NEK10: variants seen among roughly 807,000 people sequenced by gnomAD.
The protein encoded by NEK10 is serine/threonine-protein kinase Nek10.
NEK10 carries 122 observed loss-of-function variants against 159.8 expected under a neutral mutation model. That is an observed-to-expected ratio of 0.76 (90% CI 0.66 to 0.89). NEK10 has a LOEUF of 0.89. NEK10 is among the 40% of genes least tolerant of loss of function. The pLI is 0.00. For synonymous variants in NEK10, 466 were observed against 457.1 expected, an observed-to-expected ratio of 1.02 and a Z score of -0.25; for missense variants, 1,342 against 1,323.1, an observed-to-expected ratio of 1.01 and a Z score of -0.22.
intron 1 of NEK10, among the ~76,000 whole-genome samples, chr3:27,368,267 G>C (rs2049245302): frequency 6.6e-6 from 1 of 151,942 alleles, no homozygotes; most frequent in Non-Finnish European, 1.5e-5. Context: ...ACTCCAGCCT[G>C]GCAGCACAGC....
At chr3:27,164,263 G>C (rs1258383896) in intron 29 of NEK10, among the ~76,000 whole-genome samples, 2 of 152,294 alleles carry the variant, frequency 1.3e-5, no homozygotes, top group African/African-American at 2.4e-5. Flanking sequence ...GTGTAGGCAG[G>C]ACAGCCCCAG....
At chr3:27,271,264 A>C (rs2041335800) in intron 22 of NEK10, among the ~76,000 whole-genome samples, 1 of 152,056 alleles carries the variant, frequency 6.6e-6, no homozygotes, top group Non-Finnish European at 1.5e-5. Context: ...TAGAAGACTA[A>C]ATCGTATAAG....
intron 32 of NEK10, among the ~76,000 whole-genome samples, chr3:27,123,009 CACTG>C (rs2125460601): frequency 6.6e-6 from 1 of 152,262 alleles, no homozygotes; most frequent in South Asian, 2.1e-4. Context: ...ATCCCAGATA[CACTG>C]ACTTTCATTC....
At chr3:27,255,388 A>G (rs181426924) in intron 23 of NEK10, 1 of 266,688 alleles carries the variant, frequency 3.7e-6, no homozygotes, top group East Asian at 1.0e-4. Context: ...ACACTTCTGC[A>G]TGAAAGGACT....
At position 27,304,851 on chromosome 3, in the gene NEK10, G is replaced by A. The variant is rs201861093; in HGVS notation, c.924C>T (p.Leu308=). The change falls in exon 12 of 36, where the codon CTC becomes CTT. Residue 308 remains leucine, a synonymous_variant. Coordinates refer to ENST00000691995, the MANE Select transcript of NEK10 (RefSeq NM_001394966.1). The part of the protein sequence containing the change: ...SLLHSDHLKL[L]WSIVWILVQV... ...GTACCAGAATCCAGACAATGCTCCA[G>A]AGGAGCTTCAAGTGGTCAGAGTGGA... 1.2e-5 allele frequency: 20 copies of A among 1,613,490 alleles called. No homozygotes were observed. The highest frequency in any genetic ancestry group is 1.7e-5 in the Non-Finnish European group (20 of 1,179,448).
At position 27,269,316 on chromosome 3, in the gene NEK10, AT is replaced by A. The variant is rs201625283; in HGVS notation, c.2015-12946del. ...TGTGGGTAAAATGCTATCAAACAGC[AT>A]TTCATGCTACAGACATTTATTTTGT... On this transcript the variant is annotated intron_variant, in intron 22 of 35. Coordinates refer to ENST00000691995, the MANE Select transcript of NEK10 (RefSeq NM_001394966.1). Among the ~76,000 whole-genome samples the A allele has an allele frequency of 4.4e-3, 674 of 152,358 alleles. 2 individuals are homozygous for A. Among genetic ancestry groups the A allele is most frequent in the African/African-American group, 0.015 (620 of 41,588 alleles).
Position 27,283,183 on chromosome 3 carries a change from C to T in NEK10, c.2014+1419G>A, listed in dbSNP as rs572639092. ...AGCAAATGTGTACATTTGGAATTGC[C>T]TTCATGGGTACTGAAATTCTAAAAC... On this transcript the variant is annotated intron_variant, in intron 22 of 35. Transcript: ENST00000691995. Among the ~76,000 whole-genome samples, 11 of 152,046 alleles carry T rather than the reference C, an allele frequency of 7.2e-5. No homozygotes were observed. The East Asian group carries it at 2.1e-3, about 29-fold the overall frequency.
rs146489301 is a variant in NEK10 at position 27,193,076 on chromosome 3, C to G, written c.2292-834G>C. Among the ~76,000 whole-genome samples, 15 of 152,260 alleles carry G rather than the reference C, an allele frequency of 9.9e-5. 1 individual carries two copies. The highest frequency in any genetic ancestry group is 1.2e-4 in the Non-Finnish European group (8 of 68,030). On this transcript the variant is annotated intron_variant, in intron 25 of 35. Transcript: ENST00000691995. ...TCATTAAACTGGTATGGTGTTTGAA[C>G]GAGGTAATCTCTGTGAAGTGCACAT...
intron 30 of NEK10, among the ~76,000 whole-genome samples, chr3:27,156,996 G>A (rs1185544622): frequency 3.5e-5 from 4 of 114,850 alleles, no homozygotes; most frequent in African/African-American, 1.3e-4. Flanking sequence ...ATACTACTCA[G>A]CCATAAAAAA....
chr3:27,215,332 T>A (rs558858829), intron 23 of NEK10, among the ~76,000 whole-genome samples: 1 of 152,314 alleles, frequency 6.6e-6, no homozygotes, highest in Non-Finnish European at 1.5e-5. Flanking sequence ...ATGGAGAGAA[T>A]AAACTATTTT....
rs1320646526 is a variant in NEK10, at chr3:27,284,614, T to C, written c.2002A>G (p.Lys668Glu). ...TCTTTATACTTACTAACGGTTACTTTGTCCTTATCCCCCAACATAATGTTG... is the reference window on the plus strand; with the variant it reads ...TCTTTATACTTACTAACGGTTACTTCGTCCTTATCCCCCAACATAATGTTG... ...PNNIMLGDKD[K>E]VTVTDFGLAK... The change falls in exon 22 of 36, where the codon AAA (lysine) becomes GAA (glutamate). Residue 668 changes from lysine (K) to glutamate (E), a missense_variant. Coordinates refer to ENST00000691995, the MANE Select transcript of NEK10 (RefSeq NM_001394966.1). 2 of 1,570,476 alleles carry C rather than the reference T, an allele frequency of 1.3e-6. No homozygotes were observed. Among genetic ancestry groups the C allele is most frequent in the Non-Finnish European group, 1.8e-6 (2 of 1,140,484 alleles).
At chr3:27,344,766 C>T (rs773554733) in intron 4 of NEK10, among the ~76,000 whole-genome samples, 2 of 152,180 alleles carry the variant, frequency 1.3e-5, no homozygotes, top group Non-Finnish European at 2.9e-5. Context: ...AGAATTCCCT[C>T]TCCACTTTTC....
intron 3 of NEK10, among the ~76,000 whole-genome samples, chr3:27,347,305 G>A (rs141272406): frequency 8.6e-5 from 13 of 151,732 alleles, no homozygotes; most frequent in Admixed American, 3.3e-4. Context: ...ACCTGAGTTC[G>A]GGAGCCTGAC....
rs1939018897 is a variant in NEK10, at chr3:27,106,677, T to A, written c.*4595A>T. On this transcript the variant is annotated 3_prime_UTR_variant, in exon 36 of 36. Transcript: ENST00000691995. ...GCAGTTGTTCCTCTTGGTTTGTTAT[T>A]TCTGGCACAAACTTCTCTCTGCATG... Among the ~76,000 whole-genome samples, 1 of 152,186 alleles carries A rather than the reference T, an allele frequency of 6.6e-6. No individual in the cohort carries two copies. The highest frequency in any genetic ancestry group is 2.1e-4 in the South Asian group (1 of 4,824).
At chr3:27,272,452 C>T (rs1042532647) in intron 22 of NEK10, among the ~76,000 whole-genome samples, 3 of 152,180 alleles carry the variant, frequency 2.0e-5, no homozygotes, top group Non-Finnish European at 4.4e-5. Context: ...TTAAATGTGC[C>T]AGGAGCTTAG....
chr3:27,272,088 T>C (rs1388692981), intron 22 of NEK10, among the ~76,000 whole-genome samples: 2 of 152,138 alleles, frequency 1.3e-5, no homozygotes, highest in African/African-American at 2.4e-5. Context: ...TGACAATAGG[T>C]GAAAAGCAGT....
intron 6 of NEK10, among the ~76,000 whole-genome samples, chr3:27,315,909 G>A (rs1345928682): frequency 6.6e-6 from 1 of 152,202 alleles, no homozygotes; most frequent in Non-Finnish European, 1.5e-5. Flanking sequence ...GATTTGCCAA[G>A]TAAAGATCGG....
chr3:27,267,550 A>G (rs577856700), intron 22 of NEK10, among the ~76,000 whole-genome samples: 104 of 152,250 alleles, frequency 6.8e-4, no homozygotes, highest in African/African-American at 2.5e-3. Flanking sequence ...TGTTATGGTT[A>G]TCTGTGATTA....
At chr3:27,261,385 C>G (rs935501462) in intron 22 of NEK10, among the ~76,000 whole-genome samples, 2 of 152,200 alleles carry the variant, frequency 1.3e-5, no homozygotes, top group African/African-American at 2.4e-5. Flanking sequence ...CCTCTACACA[C>G]TGCTTTGAAT....
Sources: gnomAD v4.1 joint callset for allele counts (sites outside exome capture counted in the v4.1 genomes callset) on GRCh38, gnomAD v4.1.1 for gene constraint, MANE v1.5 for transcripts, NCBI Gene and HGNC (gene_info 2026-07-23, HGNC 2026-07-21) for gene names.